THADA: variants seen among roughly 807,000 people sequenced by gnomAD.
The protein encoded by THADA is tRNA (32-2'-O)-methyltransferase regulator THADA.
A neutral mutation model predicts 219.8 loss-of-function variants in THADA; 213 were observed. That is an observed-to-expected ratio of 0.97 (90% confidence interval 0.87 to 1.09). The LOEUF (loss-of-function observed/expected upper bound fraction) is 1.09, where lower values mean the gene tolerates loss of function less well. Ranked by LOEUF, THADA falls within the 50% of genes least tolerant of loss-of-function variation. The pLI is 0.00. For missense variants in THADA, 2,956 were observed against 2,311.3 expected, an observed-to-expected ratio of 1.28 and a Z score of -5.72; for synonymous variants, 1,018 against 828.9, an observed-to-expected ratio of 1.23 and a Z score of -3.92.
chr2:43,260,014 C>T (rs1340934133), intron 36 of THADA, among the ~76,000 whole-genome samples: 3 of 152,166 alleles, frequency 2.0e-5, no homozygotes, highest in Non-Finnish European at 2.9e-5. Flanking sequence ...GATGGAGTCT[C>T]GCTCTGTCGT....
chr2:43,494,123 AG>A (rs1200675086), intron 25 of THADA, among the ~76,000 whole-genome samples: 1 of 152,212 alleles, frequency 6.6e-6, no homozygotes, highest in Non-Finnish European at 1.5e-5. Flanking sequence ...CAGCTGCCCA[AG>A]GGTTGTGCCA....
intron 30 of THADA, among the ~76,000 whole-genome samples, chr2:43,327,506 G>A (rs2104484913): frequency 1.3e-5 from 2 of 151,782 alleles, no homozygotes; most frequent in South Asian, 4.2e-4. Context: ...AATGGGAGAG[G>A]GAAAATGGTT....
intron 26 of THADA, among the ~76,000 whole-genome samples, chr2:43,472,340 G>A (rs1415873194): frequency 6.6e-6 from 1 of 152,218 alleles, no homozygotes; most frequent in Non-Finnish European, 1.5e-5. Context: ...TGCTATAAAT[G>A]GTGGCACTGC....
intron 26 of THADA, among the ~76,000 whole-genome samples, chr2:43,455,866 T>G (rs1682931784): frequency 6.6e-6 from 1 of 152,234 alleles, no homozygotes; most frequent in South Asian, 2.1e-4. Context: ...CAGGAAATCC[T>G]TCCAGCTAAC....
intron 30 of THADA, among the ~76,000 whole-genome samples, chr2:43,331,609 C>T (rs967848787): frequency 2.0e-5 from 3 of 152,126 alleles, no homozygotes; most frequent in Admixed American, 2.0e-4. Context: ...TTTCCCTCAG[C>T]TTGATCTCCT....
chr2:43,436,185 G>C (rs1190669680), intron 26 of THADA, among the ~76,000 whole-genome samples: 2 of 152,172 alleles, frequency 1.3e-5, no homozygotes, highest in African/African-American at 2.4e-5. Flanking sequence ...ACGTCTGGTT[G>C]CAAGTAGGGA....
At chr2:43,435,470 A>AAGGG (rs1363364647) in intron 26 of THADA, among the ~76,000 whole-genome samples, 3 of 141,728 alleles carry the variant, frequency 2.1e-5, no homozygotes, top group Admixed American at 7.0e-5. Context: ...GGGAGGAAGG[A>AAGGG]AGGGAGGGAG....
In THADA at chr2:43,232,816, A is replaced by G. The variant is rs1465102437; in HGVS notation, c.5363T>C (p.Leu1788Pro). The G allele has an allele frequency of 1.2e-6, 2 of 1,613,198 alleles. No homozygotes were observed. The highest frequency in any genetic ancestry group is 2.2e-5 in the South Asian group (2 of 90,768). Residue 1788 changes from leucine (L) to proline (P), a missense_variant, in exon 37 of 38, where the codon CTG becomes CCG. By Grantham distance (98) the Leu-to-Pro change is moderately conservative. Transcript: ENST00000405975. ...GGCCAACTGGTCCCACTGCTGGAGCAGATCACACAGGACGGCCAGGGCCAG... is the reference window on the plus strand; with the variant it reads ...GGCCAACTGGTCCCACTGCTGGAGCGGATCACACAGGACGGCCAGGGCCAG... ...LALALAVLCD[L>P]LQQWDQLAPG...
At chr2:43,587,586 C>A (rs1421855413) in intron 4 of THADA, among the ~76,000 whole-genome samples, 2 of 152,152 alleles carry the variant, frequency 1.3e-5, no homozygotes, top group South Asian at 4.1e-4. Context: ...CCTTTCAGGT[C>A]AATCTCAATT....
chr2:43,259,574 A>G (rs903512447), intron 36 of THADA, among the ~76,000 whole-genome samples: 5 of 152,266 alleles, frequency 3.3e-5, no homozygotes, highest in Non-Finnish European at 4.4e-5. Flanking sequence ...ACAACTTATT[A>G]TAGCTGACAG....
At chr2:43,467,204 A>G (rs1330773883) in intron 26 of THADA, among the ~76,000 whole-genome samples, 1 of 149,400 alleles carries the variant, frequency 6.7e-6, no homozygotes, top group Non-Finnish European at 1.5e-5. Flanking sequence ...AAAAAAAAAA[A>G]AACACCACGG....
intron 30 of THADA, among the ~76,000 whole-genome samples, chr2:43,342,723 T>C (rs992928085): frequency 6.6e-6 from 1 of 152,252 alleles, no homozygotes; most frequent in Non-Finnish European, 1.5e-5. Flanking sequence ...AAATTATTTA[T>C]ACACGTCTTT....
At chr2:43,476,262 C>G (rs751494061) in intron 26 of THADA, among the ~76,000 whole-genome samples, 3 of 152,116 alleles carry the variant, frequency 2.0e-5, no homozygotes, top group Non-Finnish European at 4.4e-5. Context: ...TAAAAAGAAA[C>G]AGAAATGCAC....
chr2:43,241,012 C>A (rs556907788), intron 36 of THADA, among the ~76,000 whole-genome samples: 1 of 152,306 alleles, frequency 6.6e-6, no homozygotes, highest in South Asian at 2.1e-4. Flanking sequence ...ATCCCTTCCC[C>A]CAAATCCCTA....
chr2:43,422,018 C>A (rs1392455703), intron 28 of THADA, among the ~76,000 whole-genome samples: 1 of 152,204 alleles, frequency 6.6e-6, no homozygotes, highest in Non-Finnish European at 1.5e-5. Context: ...TTCACCTATT[C>A]TGAAATAAGG....
rs1690979399 is a variant in THADA at position 43,514,613 on chromosome 2, ATATATTTTATATATATG to A, written c.3375-5850_3375-5834del. On this transcript the variant is annotated intron_variant, in intron 22 of 37. Coordinates refer to ENST00000405975, the MANE Select transcript of THADA (RefSeq NM_022065.5). ...TATATGTATATTTTATATATATTTT[ATATATTTTATATATATG>A]TATATTTTATATATAATATATATAT... 4.5e-5 allele frequency among the ~76,000 whole-genome samples: 4 copies of A among 89,516 alleles called. No homozygotes were observed. The South Asian group carries it at 9.1e-4, about 20-fold the overall frequency. 58.7% of individuals were successfully genotyped at this position (89,516 alleles called of 152,430 possible).
chr2:43,453,584 T>G (rs1368152422), intron 26 of THADA, among the ~76,000 whole-genome samples: 1 of 152,214 alleles, frequency 6.6e-6, no homozygotes, highest in Non-Finnish European at 1.5e-5. Flanking sequence ...TGAAATTTAT[T>G]AAGTTAGATA....
chr2:43,450,139 T>C (rs1217433988), intron 26 of THADA, among the ~76,000 whole-genome samples: 1 of 152,206 alleles, frequency 6.6e-6, no homozygotes, highest in Non-Finnish European at 1.5e-5. Context: ...GCTAGGATCA[T>C]TGTAACTCTG....
rs1264461773 is a variant in THADA, at chr2:43,560,329, T to C, written c.2368A>G (p.Thr790Ala). Residue 790 changes from threonine to alanine, a missense_variant, in exon 16 of 38, where the codon ACA (threonine) becomes GCA (alanine). Coordinates refer to ENST00000405975, the MANE Select transcript of THADA (RefSeq NM_022065.5). ...GTGCTGGTAAAACATTCCATTAGTGTTTGGAAACGACCAACATCAATATCA... is the reference window on the plus strand; with the variant it reads ...GTGCTGGTAAAACATTCCATTAGTGCTTGGAAACGACCAACATCAATATCA... ...SHDIDVGRFQTLMECFTSTFE... is the reference protein window; with the variant it reads ...SHDIDVGRFQALMECFTSTFE... The C allele has an allele frequency of 6.2e-7, 1 of 1,612,544 alleles. No homozygotes were observed. Among genetic ancestry groups the C allele is most frequent in the Admixed American group, 1.7e-5 (1 of 59,858 alleles).
Sources: allele counts gnomAD v4.1 joint callset (sites outside exome capture counted in the v4.1 genomes callset), GRCh38; gene constraint gnomAD v4.1.1; transcripts MANE v1.5; gene names NCBI Gene and HGNC (gene_info 2026-07-23, HGNC 2026-07-21).